The following FAAH2 variants were observed in gnomAD, a reference collection of about 807,000 sequenced individuals.
FAAH2 encodes the protein fatty acid amide hydrolase 2.
FAAH2 carries 60 observed loss-of-function variants against 36.9 expected under a neutral mutation model. The ratio of observed to expected loss-of-function variants is 1.63; its 90% CI spans 1.32 to 2.02. The LOEUF (loss-of-function observed/expected upper bound fraction) is 2.02. FAAH2 is among the 30% of genes most tolerant of loss of function. The pLI, the probability that FAAH2 is intolerant of heterozygous loss-of-function variation, is 0.00. For synonymous variants in FAAH2, 214 were observed against 143.8 expected, an observed-to-expected ratio of 1.49 and a Z score of -3.49; for missense variants, 689 against 397.5, an observed-to-expected ratio of 1.73 and a Z score of -6.23.
At chrX:57,422,553 G>A (rs1424576494) in intron 7 of FAAH2, among the ~76,000 whole-genome samples, 4 of 111,736 alleles carry the variant, frequency 3.6e-5, no homozygotes, top group African/African-American at 1.3e-4. Flanking sequence ...TGGACTCACT[G>A]TACACGCTGT....
At chrX:57,304,248 C>T (rs763795350) in intron 2 of FAAH2, among the ~76,000 whole-genome samples, 9 of 111,770 alleles carry the variant, frequency 8.1e-5, no homozygotes, top group Non-Finnish European at 1.7e-4. Flanking sequence ...AACAAAATAG[C>T]CTGCTAACTC....
At chrX:57,338,405 C>A (rs1371216917) in intron 4 of FAAH2, among the ~76,000 whole-genome samples, 1 of 111,530 alleles carries the variant, frequency 9.0e-6, no homozygotes, top group African/African-American at 3.3e-5. Context: ...AAGGCAAGGA[C>A]TGGCCATTTA....
chrX:57,306,821 CTA>C (rs764579200), intron 2 of FAAH2, among the ~76,000 whole-genome samples: 5 of 91,470 alleles, frequency 5.5e-5, no homozygotes, highest in African/African-American at 1.1e-4. Context: ...CATATATACA[CTA>C]TATATATACT....
chrX:57,441,390 G>A (rs1438906681), intron 8 of FAAH2, among the ~76,000 whole-genome samples: 1 of 111,419 alleles, frequency 9.0e-6, no homozygotes, highest in African/African-American at 3.3e-5. Context: ...TTTTTGTGTA[G>A]AAGTGTTTAT....
chrX:57,313,897 A>G (rs2146911021), intron 3 of FAAH2, among the ~76,000 whole-genome samples: 1 of 111,212 alleles, frequency 9.0e-6, no homozygotes, highest in Non-Finnish European at 1.9e-5. Flanking sequence ...AATCACACAT[A>G]TTTGAATGTA....
chrX:57,443,887 C>T (rs112146017), intron 8 of FAAH2, among the ~76,000 whole-genome samples: 1,219 of 112,194 alleles, frequency 0.011, 16 homozygotes, highest in African/African-American at 0.038. Context: ...ACTTCACACT[C>T]TGTTTGCCTG....
intron 2 of FAAH2, among the ~76,000 whole-genome samples, chrX:57,309,461 A>T (rs2052631092): frequency 8.9e-6 from 1 of 111,744 alleles, no homozygotes; most frequent in Non-Finnish European, 1.9e-5. Flanking sequence ...ACCACTTTTT[A>T]TTTTATTTTA....
chrX:57,208,121 G>A, the FAAH2 span, among the ~76,000 whole-genome samples: 11 of 112,567 alleles, frequency 9.8e-5, no homozygotes, highest in African/African-American at 3.5e-4. Flanking sequence ...GTCGCTCGAG[G>A]CACTATTCAA....
chrX:57,442,117 T>G (rs909055627), intron 8 of FAAH2, among the ~76,000 whole-genome samples: 1 of 111,464 alleles, frequency 9.0e-6, no homozygotes, highest in Non-Finnish European at 1.9e-5. Flanking sequence ...TGTAGATGTC[T>G]ATTAGGTCCG....
chrX:57,253,104 G>A, the FAAH2 span, among the ~76,000 whole-genome samples: 1 of 111,524 alleles, frequency 9.0e-6, no homozygotes, highest in East Asian at 2.8e-4. Flanking sequence ...CACAGTACTA[G>A]ACTTCGTGAA....
chrX:57,345,555 T>G (rs892306115), intron 5 of FAAH2, among the ~76,000 whole-genome samples: 16 of 111,125 alleles, frequency 1.4e-4, no homozygotes, highest in African/African-American at 5.2e-4. Context: ...CAGTCTATCT[T>G]GTTTATTCCT....
At chrX:57,454,213 C>T (rs1277361528) in intron 10 of FAAH2, among the ~76,000 whole-genome samples, 1 of 112,066 alleles carries the variant, frequency 8.9e-6, no homozygotes, top group Non-Finnish European at 1.9e-5. Context: ...AAATATTTTG[C>T]AAGTATGTAT....
intron 10 of FAAH2, chrX:57,452,149 C>T (rs2060113): frequency 0.23 from 170,995 of 751,507 alleles, 14,571 homozygotes; most frequent in Middle Eastern, 0.51. Context: ...ACTCAAAGAT[C>T]TCTTGGACCA....
the FAAH2 span, among the ~76,000 whole-genome samples, chrX:57,146,172 A>G: frequency 9.1e-6 from 1 of 110,352 alleles, no homozygotes; most frequent in African/African-American, 3.3e-5. Flanking sequence ...GGTCTTTTTC[A>G]CAATATTGAT....
intron 10 of FAAH2, among the ~76,000 whole-genome samples, chrX:57,450,931 A>T (rs1476313166): frequency 1.8e-5 from 2 of 111,757 alleles, no homozygotes; most frequent in Non-Finnish European, 3.8e-5. Flanking sequence ...AGTATTAGTT[A>T]TATGTGTTTT....
chrX:57,162,480 C>T, the FAAH2 span, among the ~76,000 whole-genome samples: 2 of 111,970 alleles, frequency 1.8e-5, no homozygotes, highest in East Asian at 2.8e-4. Flanking sequence ...CCATTCTCCC[C>T]ATCACTTTCA....
chrX:57,370,690 G>A (rs2054528690), intron 5 of FAAH2, among the ~76,000 whole-genome samples: 1 of 112,381 alleles, frequency 8.9e-6, no homozygotes, highest in Non-Finnish European at 1.9e-5. Context: ...AAGGTGAGTA[G>A]TAGGTGAGTA....
At chrX:57,276,599 C>T in the FAAH2 span, among the ~76,000 whole-genome samples, 1 of 111,034 alleles carries the variant, frequency 9.0e-6, no homozygotes, top group Non-Finnish European at 1.9e-5. Context: ...GAAATAGAGA[C>T]ACAAAAAACC....
chrX:57,344,459 C>T (rs2053767952), intron 5 of FAAH2, among the ~76,000 whole-genome samples: 1 of 111,365 alleles, frequency 9.0e-6, no homozygotes, highest in African/African-American at 3.3e-5. Flanking sequence ...ATTTTGTGTC[C>T]TGAAACTTTA....
Sources: allele counts gnomAD v4.1 joint callset (sites outside exome capture counted in the v4.1 genomes callset), GRCh38; gene constraint gnomAD v4.1.1; transcripts MANE v1.5; gene names NCBI Gene and HGNC (gene_info 2026-07-23, HGNC 2026-07-21).